CSMD1: variants seen among roughly 807,000 people sequenced by gnomAD.
The protein encoded by CSMD1 is CUB and Sushi multiple domains 1, also known as CUB and sushi domain-containing protein 1.
A neutral mutation model predicts 417.5 loss-of-function variants in CSMD1; 213 were observed. The ratio of observed to expected loss-of-function variants is 0.51; its 90% CI spans 0.46 to 0.57. The LOEUF (loss-of-function observed/expected upper bound fraction) is 0.57, where lower values mean the gene tolerates loss of function less well. CSMD1 is among the 20% of genes least tolerant of loss of function. CSMD1 has a pLI of 0.00. For missense variants in CSMD1, 6,923 were observed against 4,529.7 expected, an observed-to-expected ratio of 1.53 and a Z score of -15.17; for synonymous variants, 2,862 against 1,736.8, an observed-to-expected ratio of 1.65 and a Z score of -16.11.
chr8:4,482,468 A>G (rs1441152071), intron 2 of CSMD1, among the ~76,000 whole-genome samples: 1 of 152,160 alleles, frequency 6.6e-6, no homozygotes, highest in Non-Finnish European at 1.5e-5. Flanking sequence ...GTGTGTATGT[A>G]CCATATTTTC....
intron 1 of CSMD1, among the ~76,000 whole-genome samples, chr8:4,845,890 G>T (rs1402831182): frequency 6.6e-6 from 1 of 152,162 alleles, no homozygotes; most frequent in Non-Finnish European, 1.5e-5. Flanking sequence ...CAGTCACCGT[G>T]GCTAACTAAA....
intron 3 of CSMD1, among the ~76,000 whole-genome samples, chr8:4,286,247 C>T (rs1384595600): frequency 5.3e-5 from 8 of 152,142 alleles, no homozygotes; most frequent in Non-Finnish European, 1.2e-4. Context: ...TGCGTCTCTC[C>T]GCCATGCTCT....
At chr8:4,370,383 C>A (rs1338767744) in intron 3 of CSMD1, among the ~76,000 whole-genome samples, 2 of 152,068 alleles carry the variant, frequency 1.3e-5, no homozygotes, top group Non-Finnish European at 2.9e-5. Flanking sequence ...TTTTTTCTTT[C>A]TCACAGACCT....
In CSMD1 at chr8:3,144,539, C is replaced by T. The variant is rs185015667; in HGVS notation, c.6032-1865G>A. On this transcript the variant is annotated intron_variant, in intron 40 of 69. Coordinates refer to ENST00000635120, the MANE Select transcript of CSMD1 (RefSeq NM_033225.6). ...TATCACGTTGTCCAAGTCTATAGAC[C>T]GGTACTACATCGCCAGTCAAGAAAG... Among the ~76,000 whole-genome samples the T allele has an allele frequency of 2.2e-3, 333 of 151,884 alleles. 1 individual carries two copies. The highest frequency in any genetic ancestry group is 7.4e-3 in the African/African-American group (305 of 41,400).
chr8:4,189,352 A>T (rs1024615309), intron 3 of CSMD1, among the ~76,000 whole-genome samples: 17 of 152,236 alleles, frequency 1.1e-4, no homozygotes, highest in Non-Finnish European at 2.4e-4. Flanking sequence ...AGGAATAATG[A>T]TAATAAATAA....
chr8:4,444,722 G>A (rs1044471042), intron 2 of CSMD1, among the ~76,000 whole-genome samples: 1 of 152,126 alleles, frequency 6.6e-6, no homozygotes, highest in East Asian at 1.9e-4. Flanking sequence ...GTGCATGAAG[G>A]AAAATAATGA....
At chr8:3,463,751 C>T (rs908371316) in intron 12 of CSMD1, among the ~76,000 whole-genome samples, 18 of 152,162 alleles carry the variant, frequency 1.2e-4, no homozygotes, top group African/African-American at 2.9e-4. Context: ...CCACGCAAGA[C>T]GAGAAGCACC....
chr8:4,823,578 C>T (rs780334830), intron 1 of CSMD1, among the ~76,000 whole-genome samples: 2 of 152,086 alleles, frequency 1.3e-5, no homozygotes, highest in African/African-American at 2.4e-5. Flanking sequence ...CCAGTACACA[C>T]AGCAAAGATG....
chr8:4,630,493 A>G (rs1229987510), intron 2 of CSMD1, among the ~76,000 whole-genome samples: 1 of 152,202 alleles, frequency 6.6e-6, no homozygotes, highest in African/African-American at 2.4e-5. Flanking sequence ...AACAAAAAAC[A>G]AAAACAAAAA....
At chr8:4,357,386 A>T (rs1801491136) in intron 3 of CSMD1, among the ~76,000 whole-genome samples, 1 of 152,224 alleles carries the variant, frequency 6.6e-6, no homozygotes. Context: ...TTCATCAAAT[A>T]ATTTAAATAT....
At chr8:3,026,426 T>C (rs921566921) in intron 51 of CSMD1, among the ~76,000 whole-genome samples, 2 of 147,942 alleles carry the variant, frequency 1.4e-5, no homozygotes, top group South Asian at 4.5e-4. Flanking sequence ...CTCACTGGAC[T>C]TCACTGGGCC....
intron 3 of CSMD1, among the ~76,000 whole-genome samples, chr8:4,389,471 CT>C (rs571276182): frequency 3.3e-5 from 5 of 151,862 alleles, no homozygotes; most frequent in African/African-American, 4.8e-5. Flanking sequence ...TTGGTTAGTG[CT>C]TTTTTTTCTC....
At chr8:3,514,405 G>C (rs1023792244) in intron 10 of CSMD1, among the ~76,000 whole-genome samples, 1 of 152,164 alleles carries the variant, frequency 6.6e-6, no homozygotes, top group African/African-American at 2.4e-5. Context: ...CTCTTGGAAT[G>C]ATTACATAAT....
intron 3 of CSMD1, among the ~76,000 whole-genome samples, chr8:4,166,088 T>C (rs899354640): frequency 1.3e-5 from 2 of 152,214 alleles, no homozygotes; most frequent in Non-Finnish European, 2.9e-5. Context: ...TTAATTACAT[T>C]CTTAATGATG....
chr8:4,022,287 A>G (rs1397583175), intron 4 of CSMD1, among the ~76,000 whole-genome samples: 2 of 151,648 alleles, frequency 1.3e-5, no homozygotes, highest in African/African-American at 4.8e-5. Context: ...TGTATTTCAG[A>G]TTTCAGACAA....
intron 1 of CSMD1, among the ~76,000 whole-genome samples, chr8:4,797,688 T>C (rs1479114617): frequency 6.6e-6 from 1 of 152,162 alleles, no homozygotes; most frequent in African/African-American, 2.4e-5. Flanking sequence ...ATGCTTTCCT[T>C]AAGATTCACA....
chr8:4,456,286 G>C (rs1045562032), intron 2 of CSMD1, among the ~76,000 whole-genome samples: 2 of 152,054 alleles, frequency 1.3e-5, no homozygotes, highest in East Asian at 3.9e-4. Flanking sequence ...AGATCTAAAA[G>C]CTGAAGACAA....
intron 12 of CSMD1, among the ~76,000 whole-genome samples, chr8:3,413,204 C>T (rs1008466057): frequency 1.4e-4 from 21 of 152,296 alleles, no homozygotes; most frequent in African/African-American, 4.8e-4. Context: ...TTTCATTCTG[C>T]CTCTGTGATA....
chr8:4,829,118 T>C (rs1250271442), intron 1 of CSMD1, among the ~76,000 whole-genome samples: 4 of 152,232 alleles, frequency 2.6e-5, no homozygotes, highest in African/African-American at 4.8e-5. Flanking sequence ...TTAAAATATC[T>C]GTTTCAGTCC....
Sources: gnomAD v4.1 joint callset for allele counts (sites outside exome capture counted in the v4.1 genomes callset) on GRCh38, gnomAD v4.1.1 for gene constraint, MANE v1.5 for transcripts, NCBI Gene and HGNC (gene_info 2026-07-23, HGNC 2026-07-21) for gene names.